AGBL4: variants seen among roughly 807,000 people sequenced by gnomAD.
AGBL4 encodes cytosolic carboxypeptidase 6.
Under a neutral mutation model 66.4 loss-of-function variants are expected in AGBL4, and 58 were observed. The ratio of observed to expected loss-of-function variants is 0.87; its 90% CI spans 0.71 to 1.09. The LOEUF (loss-of-function observed/expected upper bound fraction) is 1.09. AGBL4 is among the 50% of genes least tolerant of loss of function. The probability of loss-of-function intolerance (pLI) is 0.00; values close to 1 mark genes in which losing one functional copy is unlikely to be tolerated. For missense variants in AGBL4, 579 were observed against 631.0 expected (o/e 0.92, Z 0.88); for synonymous variants, 234 against 222.9 (o/e 1.05, Z -0.44).
intron 2 of AGBL4, among the ~76,000 whole-genome samples, chr1:49,841,407 T>C (rs1321103567): frequency 4.6e-5 from 7 of 152,210 alleles, no homozygotes; most frequent in Non-Finnish European, 1.0e-4. Flanking sequence ...ATCATTAACA[T>C]GGCCATACTG....
In AGBL4 at chr1:49,735,360, T is replaced by C. The variant is rs567688514; in HGVS notation, c.158-37923A>G. Among the ~76,000 whole-genome samples the C allele has an allele frequency of 6.0e-5, 9 of 150,284 alleles. 1 individual carries two copies. The South Asian group carries it at 1.5e-3, about 25-fold the overall frequency. On this transcript the variant is annotated intron_variant, in intron 2 of 13. Transcript: ENST00000371839. The stretch of plus-strand genomic sequence containing the variant: ...AGAGAGAGAGAGACAGATTTTAAGA[T>C]GCTATTCTTGTGCCTTTGAAGAGAA...
At chr1:49,859,771 C>G (rs1373110809) in intron 1 of AGBL4, among the ~76,000 whole-genome samples, 1 of 151,530 alleles carries the variant, frequency 6.6e-6, no homozygotes, top group East Asian at 1.9e-4. Flanking sequence ...GTGCAATAAA[C>G]AAAGAAAAGA....
At chr1:49,874,040 T>C (rs1351286500) in intron 1 of AGBL4, among the ~76,000 whole-genome samples, 2 of 152,044 alleles carry the variant, frequency 1.3e-5, no homozygotes, top group East Asian at 3.9e-4. Context: ...CATAAACCAG[T>C]GGATCAGAAC....
intron 9 of AGBL4, among the ~76,000 whole-genome samples, chr1:48,625,444 C>T (rs1039299737): frequency 1.3e-5 from 2 of 152,162 alleles, no homozygotes; most frequent in Non-Finnish European, 2.9e-5. Context: ...AATGCTAAGG[C>T]TAAGCCCTTA....
At position 48,986,302 on chromosome 1, in the gene AGBL4, G is replaced by A. The variant is rs796806529; in HGVS notation, c.594+59282C>T. Among the ~76,000 whole-genome samples, 14 of 152,118 alleles carry A rather than the reference G, an allele frequency of 9.2e-5. 1 individual carries two copies. The highest frequency in any genetic ancestry group is 3.1e-4 in the African/African-American group (13 of 41,538). The stretch of plus-strand genomic sequence containing the variant: ...CGTTTGATGAAAACTAAAACTGGCT[G>A]ATTAAAGAAACTCAATGAATCCCAA... On this transcript the variant is annotated intron_variant, in intron 5 of 13. Coordinates refer to ENST00000371839, the MANE Select transcript of AGBL4 (RefSeq NM_032785.4).
chr1:49,474,816 G>C (rs1280502836), intron 3 of AGBL4, among the ~76,000 whole-genome samples: 1 of 151,992 alleles, frequency 6.6e-6, no homozygotes, highest in East Asian at 1.9e-4. Context: ...CCAGGTATTT[G>C]AAATAACTGG....
At chr1:48,880,843 T>A (rs1202842993) in intron 5 of AGBL4, among the ~76,000 whole-genome samples, 1 of 152,208 alleles carries the variant, frequency 6.6e-6, no homozygotes, top group Non-Finnish European at 1.5e-5. Context: ...ATTAATATGA[T>A]GTTGTGACTT....
intron 6 of AGBL4, among the ~76,000 whole-genome samples, chr1:48,684,533 G>A (rs1299124093): frequency 6.6e-6 from 1 of 152,152 alleles, no homozygotes; most frequent in Admixed American, 6.5e-5. Flanking sequence ...GGATCAATTA[G>A]AGTTCAGGGA....
chr1:49,226,494 C>T (rs914543448), intron 4 of AGBL4, among the ~76,000 whole-genome samples: 1 of 152,056 alleles, frequency 6.6e-6, no homozygotes. Context: ...ATCTCTATAC[C>T]CTTCCTTAAT....
intron 3 of AGBL4, among the ~76,000 whole-genome samples, chr1:49,646,854 A>G (rs1217749902): frequency 6.6e-6 from 1 of 151,990 alleles, no homozygotes; most frequent in Non-Finnish European, 1.5e-5. Context: ...AGAATAGAAA[A>G]TCCAGAAATA....
In AGBL4 at chr1:49,731,835, G is replaced by A. The variant is rs187521768; in HGVS notation, c.158-34398C>T. 1.1e-3 allele frequency among the ~76,000 whole-genome samples: 163 copies of A among 152,188 alleles called. 2 individuals are homozygous for A. The highest frequency in any genetic ancestry group is 0.01 in the Admixed American group (156 of 15,282). ...TCTCCCCCAAAAAGCAATTGTAAACGTGAATATACATGATAAAAAGAATAG... is the reference window on the plus strand; with the variant it reads ...TCTCCCCCAAAAAGCAATTGTAAACATGAATATACATGATAAAAAGAATAG... On this transcript the variant is annotated intron_variant, in intron 2 of 13. Coordinates refer to ENST00000371839, the MANE Select transcript of AGBL4 (RefSeq NM_032785.4).
chr1:49,699,078 G>GT (rs1268353974), intron 2 of AGBL4, among the ~76,000 whole-genome samples: 5 of 152,038 alleles, frequency 3.3e-5, no homozygotes. Context: ...TGATTTCATT[G>GT]TGTTTTTCTT....
intron 2 of AGBL4, among the ~76,000 whole-genome samples, chr1:49,761,442 A>G (rs1652308120): frequency 6.6e-6 from 1 of 152,176 alleles, no homozygotes; most frequent in South Asian, 2.1e-4. Flanking sequence ...CTCTAATCCA[A>G]CACATTAAGG....
intron 4 of AGBL4, among the ~76,000 whole-genome samples, chr1:49,151,452 G>A (rs542770642): frequency 1.5e-4 from 22 of 151,570 alleles, no homozygotes; most frequent in Admixed American, 1.4e-3. Flanking sequence ...TAATGTGTGA[G>A]CTATGCCTCT....
At chr1:48,647,369 G>C in intron 8 of AGBL4, among the ~76,000 whole-genome samples, 1 of 152,172 alleles carries the variant, frequency 6.6e-6, no homozygotes, top group East Asian at 1.9e-4. Flanking sequence ...AATTACTATG[G>C]TAATATTGCA....
At chr1:48,641,239 T>C (rs567191904) in intron 8 of AGBL4, among the ~76,000 whole-genome samples, 52 of 152,370 alleles carry the variant, frequency 3.4e-4, no homozygotes, top group African/African-American at 1.2e-3. Flanking sequence ...GTTCTATTGA[T>C]TGGGCCATGT....
chr1:49,417,013 C>A (rs1416014055), intron 3 of AGBL4, among the ~76,000 whole-genome samples: 1 of 152,050 alleles, frequency 6.6e-6, no homozygotes, highest in African/African-American at 2.4e-5. Flanking sequence ...CTAATAGTAT[C>A]TTCACGCACT....
chr1:49,106,710 A>G (rs1388603415), intron 4 of AGBL4, among the ~76,000 whole-genome samples: 1 of 152,146 alleles, frequency 6.6e-6, no homozygotes. Flanking sequence ...CATTCCATGA[A>G]TTTCTACTGC....
At chr1:49,935,086 A>T (rs1327839867) in intron 1 of AGBL4, among the ~76,000 whole-genome samples, 1 of 152,316 alleles carries the variant, frequency 6.6e-6, no homozygotes, top group South Asian at 2.1e-4. Flanking sequence ...GAGTCAAAGA[A>T]AGGGGTGACA....
Sources: allele counts gnomAD v4.1 joint callset (sites outside exome capture counted in the v4.1 genomes callset), GRCh38; gene constraint gnomAD v4.1.1; transcripts MANE v1.5; gene names NCBI Gene and HGNC (gene_info 2026-07-23, HGNC 2026-07-21).